The following CSMD3 variants were observed in gnomAD, a reference collection of about 807,000 sequenced individuals.
The protein encoded by CSMD3 is CUB and Sushi multiple domains 3, also known as CUB and sushi domain-containing protein 3.
A neutral mutation model predicts 435.2 loss-of-function variants in CSMD3; 177 were observed. That is an observed-to-expected ratio of 0.41 (90% CI 0.36 to 0.46). The LOEUF (loss-of-function observed/expected upper bound fraction) is 0.46. CSMD3 is among the 20% of genes least tolerant of loss of function. CSMD3 has a pLI of 0.34. For synonymous variants in CSMD3, 1,656 were observed against 1,520.5 expected, an observed-to-expected ratio of 1.09 and a Z score of -2.07; for missense variants, 4,265 against 4,504.6, an observed-to-expected ratio of 0.95 and a Z score of 1.52.
chr8:112,781,757 G>C (rs891178646), intron 13 of CSMD3, among the ~76,000 whole-genome samples: 1 of 152,160 alleles, frequency 6.6e-6, no homozygotes, highest in South Asian at 2.1e-4. Flanking sequence ...TGGGAGGAAA[G>C]TAAGTGAAGA....
chr8:112,827,208 A>C (rs1036868580), intron 12 of CSMD3, among the ~76,000 whole-genome samples: 2 of 60,196 alleles, frequency 3.3e-5, no homozygotes, highest in Admixed American at 2.4e-4. Flanking sequence ...TATATATATA[A>C]TCTTTCTACC....
intron 35 of CSMD3, among the ~76,000 whole-genome samples, chr8:112,403,859 C>T (rs1030362948): frequency 1.1e-4 from 16 of 152,116 alleles, no homozygotes; most frequent in Admixed American, 2.6e-4. Flanking sequence ...AATCAGAAAT[C>T]GTGGTTATTT....
In CSMD3 at chr8:112,827,781, C is replaced by T. The variant is rs751022811; in HGVS notation, c.1859+1905G>A. 1.8e-4 allele frequency among the ~76,000 whole-genome samples: 27 copies of T among 152,104 alleles called. 1 individual carries two copies. Among genetic ancestry groups the T allele is most frequent in the African/African-American group, 5.1e-4 (21 of 41,408 alleles). On this transcript the variant is annotated intron_variant, in intron 12 of 70. Coordinates refer to ENST00000297405, the MANE Select transcript of CSMD3 (RefSeq NM_198123.2). ...ATTAGCTATAGGCCCAGGCAGGCAACGCAAAGGATCTTAGAAGCTCAAGTG... is the reference window on the plus strand; with the variant it reads ...ATTAGCTATAGGCCCAGGCAGGCAATGCAAAGGATCTTAGAAGCTCAAGTG...
intron 38 of CSMD3, among the ~76,000 whole-genome samples, chr8:112,374,370 G>T (rs1406129817): frequency 6.6e-6 from 1 of 151,474 alleles, no homozygotes; most frequent in Non-Finnish European, 1.5e-5. Flanking sequence ...CTATTTATCT[G>T]TATCCTTTCA....
intron 28 of CSMD3, among the ~76,000 whole-genome samples, chr8:112,507,866 TC>T (rs1252268872): frequency 1.3e-5 from 2 of 152,128 alleles, no homozygotes; most frequent in Non-Finnish European, 2.9e-5. Flanking sequence ...TGAGTCACTC[TC>T]AGAAAATTGT....
chr8:113,174,751 A>T (rs574207175), intron 3 of CSMD3, among the ~76,000 whole-genome samples: 15 of 152,008 alleles, frequency 9.9e-5, no homozygotes, highest in African/African-American at 3.4e-4. Flanking sequence ...TGTTTTCTAA[A>T]TTTTTATTTT....
At chr8:113,185,093 G>A (rs939654382) in intron 3 of CSMD3, among the ~76,000 whole-genome samples, 1 of 151,976 alleles carries the variant, frequency 6.6e-6, no homozygotes, top group Non-Finnish European at 1.5e-5. Context: ...CAGAACTATA[G>A]GGCCATTTTT....
chr8:113,409,483 C>T (rs571490145), intron 1 of CSMD3, among the ~76,000 whole-genome samples: 4 of 152,050 alleles, frequency 2.6e-5, no homozygotes, highest in South Asian at 2.1e-4. Context: ...CAAGGAGAGA[C>T]GCATTGTAAA....
chr8:112,528,715 A>G (rs1825230201), intron 27 of CSMD3, among the ~76,000 whole-genome samples: 1 of 152,180 alleles, frequency 6.6e-6, no homozygotes, highest in Non-Finnish European at 1.5e-5. Flanking sequence ...ATGTGAAACC[A>G]GACTGACCAA....
chr8:112,881,516 T>A (rs537919029), intron 10 of CSMD3, among the ~76,000 whole-genome samples: 7 of 152,196 alleles, frequency 4.6e-5, no homozygotes, highest in Non-Finnish European at 8.8e-5. Flanking sequence ...GTGAACAGGT[T>A]GTAGCCCTTG....
chr8:112,463,591 C>G (rs973223120), intron 32 of CSMD3, among the ~76,000 whole-genome samples: 13 of 152,138 alleles, frequency 8.5e-5, no homozygotes, highest in African/African-American at 3.1e-4. Flanking sequence ...CAATCTACAT[C>G]AGATCTTTTA....
At chr8:112,555,559 C>T (rs917368455) in intron 25 of CSMD3, among the ~76,000 whole-genome samples, 2 of 151,926 alleles carry the variant, frequency 1.3e-5, no homozygotes, top group African/African-American at 4.8e-5. Context: ...CTCACAATCT[C>T]TCCAAAATTC....
chr8:112,408,880 A>C (rs2130074056), intron 33 of CSMD3, 39 bp downstream of exon 33: 1 of 1,612,846 alleles, frequency 6.2e-7, no homozygotes, highest in Non-Finnish European at 8.5e-7. Context: ...GTCAGTCTTT[A>C]ATCAGTAACT....
chr8:113,205,504 G>A (rs1321178651), intron 3 of CSMD3, among the ~76,000 whole-genome samples: 1 of 152,146 alleles, frequency 6.6e-6, no homozygotes. Context: ...GCCTAGGTGT[G>A]TAGTAGGCGA....
chr8:112,611,843 G>A lies in CSMD3; in HGVS notation c.3716-24608C>T, dbSNP rs117476067. ...AAATATATTCAAATTTCACTTATGC[G>A]ACATAAATCTAAGCATGTAAAATAT... On this transcript the variant is annotated intron_variant, in intron 22 of 70. Coordinates refer to ENST00000297405, the MANE Select transcript of CSMD3 (RefSeq NM_198123.2). Among the ~76,000 whole-genome samples, 477 of 152,138 alleles carry A rather than the reference G, an allele frequency of 3.1e-3. 7 individuals are homozygous for A. The highest frequency in any genetic ancestry group is 0.024 in the Admixed American group (370 of 15,270).
At chr8:112,536,609 A>G (rs557512468) in intron 27 of CSMD3, among the ~76,000 whole-genome samples, 8 of 152,222 alleles carry the variant, frequency 5.3e-5, no homozygotes, top group East Asian at 3.9e-4. Context: ...AAGTCAGTGT[A>G]GCAATTCCTC....
At chr8:112,835,938 C>T (rs1174080690) in intron 11 of CSMD3, among the ~76,000 whole-genome samples, 3 of 151,858 alleles carry the variant, frequency 2.0e-5, no homozygotes, top group Non-Finnish European at 2.9e-5. Context: ...TGATATTGTT[C>T]TGTGACCCAG....
At chr8:113,079,154 T>C (rs1371744108) in intron 5 of CSMD3, among the ~76,000 whole-genome samples, 1 of 152,186 alleles carries the variant, frequency 6.6e-6, no homozygotes, top group Non-Finnish European at 1.5e-5. Context: ...CCTAACTTAC[T>C]CTTCTAAATA....
chr8:112,415,039 G>T (rs901117577), intron 32 of CSMD3, among the ~76,000 whole-genome samples: 2 of 152,232 alleles, frequency 1.3e-5, no homozygotes, highest in Non-Finnish European at 2.9e-5. Flanking sequence ...TTTCTGGGGA[G>T]AAATTCAAGC....
Sources: gnomAD v4.1 joint callset for allele counts (sites outside exome capture counted in the v4.1 genomes callset) on GRCh38, gnomAD v4.1.1 for gene constraint, MANE v1.5 for transcripts, NCBI Gene and HGNC (gene_info 2026-07-23, HGNC 2026-07-21) for gene names.